USP5: variants seen among roughly 807,000 people sequenced by gnomAD.
USP5 encodes ubiquitin specific peptidase 5, also known as ubiquitin carboxyl-terminal hydrolase 5.
A neutral mutation model predicts 102.5 loss-of-function variants in USP5; 24 were observed. That is an observed-to-expected ratio of 0.23 (90% CI 0.17 to 0.33). The LOEUF (loss-of-function observed/expected upper bound fraction) is 0.33. Among genes scored for constraint, USP5 ranks in the 10% least tolerant of loss-of-function variants. The pLI is 1.00. For synonymous variants in USP5, 460 were observed against 434.8 expected, an observed-to-expected ratio of 1.06 and a Z score of -0.72; for missense variants, 753 against 1,122.1, an observed-to-expected ratio of 0.67 and a Z score of 4.70.
Position 6,855,638 on chromosome 12 carries a change from G to C in USP5, c.237+112G>C. ...TTTTGTGTCATTAAAGCTTGGCACA[G>C]ATGTTTTTTAGCTTTATTCCGTTCT... is the stretch of plus-strand genomic sequence containing the variant. On this transcript the variant is annotated intron_variant, in intron 2 of 19. Coordinates refer to ENST00000229268, the MANE Select transcript of USP5 (RefSeq NM_001098536.2). This position sits in a 1 kb window ranked among gnomAD's most constrained non-coding sequence, Gnocchi z 4.6. 6.3e-7 allele frequency: 1 copy of C among 1,585,870 alleles called. No individual in the cohort carries two copies. Among genetic ancestry groups the C allele is most frequent in the Non-Finnish European group, 8.6e-7 (1 of 1,165,608 alleles).
At position 6,864,614 on chromosome 12, in the gene USP5, G is replaced by A. The variant is rs987491920; in HGVS notation, c.2245-108G>A. ...TGAGGCAGGAGAAAGGCGTGAACCC[G>A]GGAGGCGGAGCTTGCAGTGAGCCGA... On this transcript the variant is annotated intron_variant, in intron 17 of 19. Transcript: ENST00000229268. This position sits in a 1 kb window ranked among gnomAD's most constrained non-coding sequence, Gnocchi z 4.8. The A allele has an allele frequency of 2.8e-5, 36 of 1,278,598 alleles. No homozygotes were observed. In the East Asian group the frequency reaches 5.9e-4, roughly 21 times the overall value. The allele number at this position is 1,278,598 out of a possible 1,614,324, so 79.2% of individuals were successfully genotyped here.
In USP5 at chr12:6,856,210, T is replaced by C. The variant is rs1452504600; in HGVS notation, c.438+60T>C. 6.2e-7 allele frequency: 1 copy of C among 1,609,260 alleles called. No individual in the cohort carries two copies. Among genetic ancestry groups the C allele is most frequent in the African/African-American group, 1.3e-5 (1 of 74,732 alleles). ...AGCAAGATGGGCCAGGGTAGTGGTGTCTTAGGCAAGCACTGACAAAGCTGA... is the reference window on the plus strand; with the variant it reads ...AGCAAGATGGGCCAGGGTAGTGGTGCCTTAGGCAAGCACTGACAAAGCTGA... On this transcript the variant is annotated intron_variant, in intron 4 of 19. Transcript: ENST00000229268. The surrounding 1 kb of genome is among the most constrained non-coding windows in gnomAD (Gnocchi z 5.6).
At position 6,863,489 on chromosome 12, in the gene USP5, C is replaced by T; in HGVS notation, c.1954+112C>T. 3.7e-6 allele frequency: 5 copies of T among 1,344,020 alleles called. No individual in the cohort carries two copies. In the South Asian group the frequency reaches 4.2e-5, roughly 11 times the overall value. The allele number at this position is 1,344,020 out of a possible 1,614,324, so 83.3% of individuals were successfully genotyped here. A position where few individuals can be genotyped will look rare whatever the true frequency, so the allele number is the denominator to read the frequency against. ...TCTCCTGTCCTCCCTTTCAAATTTC[C>T]TCTGCCCTCTTTGATTGACATGGGG... On this transcript the variant is annotated intron_variant, in intron 15 of 19. Transcript: ENST00000229268. The surrounding 1 kb of genome is among the most constrained non-coding windows in gnomAD (Gnocchi z 4.7).
chr12:6,855,964 ACATTGAC>A lies in USP5; in HGVS notation c.305-51_305-45del. 6.2e-7 allele frequency: 1 copy of A among 1,610,718 alleles called. No individual in the cohort carries two copies. On this transcript the variant is annotated intron_variant, in intron 3 of 19. Transcript: ENST00000229268. This position sits in a 1 kb window ranked among gnomAD's most constrained non-coding sequence, Gnocchi z 4.6. ...AGTGAGGTGCTGGCTCGGAGGAGGG[ACATTGAC>A]CTGTTGTCATTGCTCTACTCTCCCT... is the stretch of plus-strand genomic sequence containing the variant.
intron 6 of USP5, 40 bp from the exon 7 acceptor site, chr12:6,857,589 G>C: frequency 1.9e-6 from 3 of 1,583,702 alleles, no homozygotes; most frequent in Non-Finnish European, 2.6e-6. Context: ...GGCTAGTCCT[G>C]AGCCACTTCC....
chr12:6,865,899 TC>T (rs1944432402), intron 19 of USP5, 84 bp from the exon 20 acceptor site: 3 of 1,223,958 alleles, frequency 2.5e-6, no homozygotes, highest in Non-Finnish European at 3.6e-6. Context: ...GGAGAGCACT[TC>T]CAGGGGCCAT....
Position 6,858,628 on chromosome 12 carries a change from C to T in USP5, c.1058+11C>T. ...TGACTTCCAGAGGAAGTGAGTAGTG[C>T]CCTCTCCTTCCCCAGGCCCCCTCCT... On this transcript the variant is annotated intron_variant, in intron 8 of 19. Transcript: ENST00000229268. The surrounding 1 kb of genome is among the most constrained non-coding windows in gnomAD (Gnocchi z 4.2). The T allele has an allele frequency of 6.3e-7, 1 of 1,591,966 alleles. No individual in the cohort carries two copies. The highest frequency in any genetic ancestry group is 8.6e-7 in the Non-Finnish European group (1 of 1,162,326).
chr12:6,865,916 A>C, intron 19 of USP5, 68 bp from the exon 20 acceptor site: 2 of 1,384,944 alleles, frequency 1.4e-6, no homozygotes, highest in Non-Finnish European at 2.1e-6. Context: ...GCCATGTCTG[A>C]GAGACTACAT....
Position 6,860,890 on chromosome 12 carries a change from C to A in USP5, c.1345-63C>A. The stretch of plus-strand genomic sequence containing the variant: ...CTTCTCTCCCTGACTCTCCCATGAA[C>A]CTTTCAGGCCCCATTCTGTTCCCTG... On this transcript the variant is annotated intron_variant, in intron 11 of 19. Transcript: ENST00000229268. This position sits in a 1 kb window ranked among gnomAD's most constrained non-coding sequence, Gnocchi z 5.5. 1.3e-6 allele frequency: 2 copies of A among 1,597,510 alleles called. No individual in the cohort carries two copies. Among genetic ancestry groups the A allele is most frequent in the Non-Finnish European group, 1.7e-6 (2 of 1,169,792 alleles).
At position 6,863,671 on chromosome 12, in the gene USP5, T is replaced by A. The variant is rs887999419; in HGVS notation, c.1955-159T>A. On this transcript the variant is annotated intron_variant, in intron 15 of 19. Transcript: ENST00000229268. The surrounding 1 kb of genome is among the most constrained non-coding windows in gnomAD (Gnocchi z 4.7). ...TGTGAGAATGGGCAGGGACCCACAT[T>A]ACAATTGTGTGGTCATTTTGGTTTT... 2.0e-5 allele frequency among the ~76,000 whole-genome samples: 3 copies of A among 152,248 alleles called. No homozygotes were observed. Among genetic ancestry groups the A allele is most frequent in the Middle Eastern group, 3.4e-3 (1 of 294 alleles).
Position 6,861,341 on chromosome 12 carries a change from G to A in USP5, c.1499-102G>A, listed in dbSNP as rs1210744577. The stretch of plus-strand genomic sequence containing the variant: ...GACATGTGTCAGGGGTGCTTTGGAA[G>A]GGTAGAGGAACTGAAATACGGACAC... On this transcript the variant is annotated intron_variant, in intron 12 of 19. Transcript: ENST00000229268. The surrounding 1 kb of genome is among the most constrained non-coding windows in gnomAD (Gnocchi z 4.9). 1 of 1,401,058 alleles carries A rather than the reference G, an allele frequency of 7.1e-7. No homozygotes were observed. The highest frequency in any genetic ancestry group is 1.4e-5 in the African/African-American group (1 of 69,476). The allele number at this position is 1,401,058 out of a possible 1,614,324, so 86.8% of individuals were successfully genotyped here.
Position 6,864,142 on chromosome 12 carries a change from A to G in USP5, c.2191A>G (p.Ile731Val), listed in dbSNP as rs1555130208. The G allele has an allele frequency of 9.3e-6, 15 of 1,613,688 alleles. No individual in the cohort carries two copies. Among genetic ancestry groups the G allele is most frequent in the Non-Finnish European group, 1.2e-5 (14 of 1,179,904 alleles). ...CCCTCCTGAGGACTGTGTGACCACC[A>G]TTGTCTCCATGGGCTTCTCCCGGGA... is the stretch of plus-strand genomic sequence containing the variant. ...DPPPEDCVTT[I>V]VSMGFSRDQA... Residue 731 changes from isoleucine (I) to valine (V), a missense_variant, in exon 17 of 20, where the codon ATT becomes GTT. Transcript: ENST00000229268. This position sits in a 1 kb window ranked among gnomAD's most constrained non-coding sequence, Gnocchi z 4.8.
chr12:6,856,413 C>T lies in USP5; in HGVS notation c.547C>T (p.Leu183Phe). 9.3e-6 allele frequency: 15 copies of T among 1,613,748 alleles called. No individual in the cohort carries two copies. The South Asian group carries it at 1.6e-4, about 18-fold the overall frequency. ...GCAGGTGTCTAAGCATGCCTTCAGC[C>T]TCAAGCAGTTGGACAACCCTGCTCG... ...VRQVSKHAFSLKQLDNPARIP... is the reference protein window; with the variant it reads ...VRQVSKHAFSFKQLDNPARIP... The change falls in exon 5 of 20, where the codon CTC becomes TTC. Residue 183 changes from leucine (L) to phenylalanine (F), a missense_variant. This residue lies in a region of USP5 where 527 missense variants were observed against 816.5 expected (regional missense o/e 0.65). Transcript: ENST00000229268. The surrounding 1 kb of genome is among the most constrained non-coding windows in gnomAD (Gnocchi z 5.6).
rs112930588 is a variant in USP5 at position 6,860,511 on chromosome 12, C to G, written c.1344+20C>G. ...GTGGAGGTAAGGGCTGGCAAGATGG[C>G]ACACCCCCATCTTCCTGCAATTTAC... On this transcript the variant is annotated intron_variant, in intron 11 of 19. Transcript: ENST00000229268. The surrounding 1 kb of genome is among the most constrained non-coding windows in gnomAD (Gnocchi z 5.5). 1.2e-6 allele frequency: 2 copies of G among 1,612,970 alleles called. No individual in the cohort carries two copies. Among genetic ancestry groups the G allele is most frequent in the Non-Finnish European group, 8.5e-7 (1 of 1,179,888 alleles).
rs782144258 is a variant in USP5, at chr12:6,859,518, T to G, written c.1107T>G (p.Pro369=). Residue 369 remains proline (P), a synonymous_variant, in exon 9 of 20, where the codon CCT becomes CCG. Transcript: ENST00000229268. ...TCTTCCAGAATGCCCCGACGGACCC[T>G]ACCCAGGATTTCAGCACCCAGGTGT... is the stretch of plus-strand genomic sequence containing the variant. The part of the protein sequence containing the change: ...EKIFQNAPTD[P]TQDFSTQVAK... The G allele has an allele frequency of 1.2e-6, 2 of 1,614,212 alleles. No individual in the cohort carries two copies. The highest frequency in any genetic ancestry group is 3.3e-4 in the Middle Eastern group (2 of 6,060).
At chr12:6,857,540 C>T (rs782045182) in intron 6 of USP5, 89 bp from the exon 7 acceptor site, 25 of 1,130,912 alleles carry the variant, frequency 2.2e-5, no homozygotes, top group Admixed American at 5.5e-5. Flanking sequence ...CCTTCTGTCC[C>T]CTCAAGTCCC....
chr12:6,858,377 A>G lies in USP5; in HGVS notation c.865-47A>G. 6.4e-7 allele frequency: 1 copy of G among 1,574,150 alleles called. No individual in the cohort carries two copies. The highest frequency in any genetic ancestry group is 8.7e-7 in the Non-Finnish European group (1 of 1,147,838). ...TCAGTGAGAGATCGAGGTAAAAACT[A>G]CAGGGTTGAGTTTCTCACTCAGTCT... On this transcript the variant is annotated intron_variant, in intron 7 of 19. Transcript: ENST00000229268. This position sits in a 1 kb window ranked among gnomAD's most constrained non-coding sequence, Gnocchi z 4.2.
chr12:6,855,576 G>T lies in USP5; in HGVS notation c.237+50G>T. 1 of 1,605,182 alleles carries T rather than the reference G, an allele frequency of 6.2e-7. No individual in the cohort carries two copies. Among genetic ancestry groups the T allele is most frequent in the South Asian group, 1.1e-5 (1 of 89,778 alleles). On this transcript the variant is annotated intron_variant, in intron 2 of 19. Coordinates refer to ENST00000229268, the MANE Select transcript of USP5 (RefSeq NM_001098536.2). The surrounding 1 kb of genome is among the most constrained non-coding windows in gnomAD (Gnocchi z 4.6). ...CTGGGTACATTGTCTGTTCCATTCT[G>T]ACCTCCTATTGGACTCAGTTTCTTT...
At position 6,863,822 on chromosome 12, in the gene USP5, C is replaced by T. The variant is rs1555130086; in HGVS notation, c.1955-8C>T. The T allele has an allele frequency of 6.4e-7, 1 of 1,566,832 alleles. No individual in the cohort carries two copies. Among genetic ancestry groups the T allele is most frequent in the Non-Finnish European group, 8.7e-7 (1 of 1,153,768 alleles). On this transcript the variant is annotated splice_region_variant and splice_polypyrimidine_tract_variant and intron_variant, in intron 15 of 19. Transcript: ENST00000229268. This position sits in a 1 kb window ranked among gnomAD's most constrained non-coding sequence, Gnocchi z 4.7. ...AGTCGGTCCGTGTACCCACAATTCC[C>T]ATTACAGCGCCCATGCTGGATGAAT...
Sources: allele counts gnomAD v4.1 joint callset (sites outside exome capture counted in the v4.1 genomes callset), GRCh38; gene constraint gnomAD v4.1.1; regional missense constraint gnomAD v4.1.1; non-coding constraint Gnocchi (gnomAD v3.1); transcripts MANE v1.5; gene names NCBI Gene and HGNC (gene_info 2026-07-23, HGNC 2026-07-21).